DSCAML1: variants seen among roughly 807,000 people sequenced by gnomAD.
DSCAML1 encodes cell adhesion molecule DSCAML1.
In DSCAML1, 38 loss-of-function variants were observed where a neutral mutation model predicts 200.5. That is an observed-to-expected ratio of 0.19 (90% confidence interval 0.15 to 0.25). DSCAML1 has a LOEUF of 0.25. DSCAML1 is among the 10% of genes least tolerant of loss of function. DSCAML1 has a pLI of 1.00. For synonymous variants in DSCAML1, 1,215 were observed against 1,165.0 expected, an observed-to-expected ratio of 1.04 and a Z score of -0.87; for missense variants, 2,223 against 2,858.8, an observed-to-expected ratio of 0.78 and a Z score of 5.07.
intron 8 of DSCAML1, among the ~76,000 whole-genome samples, chr11:117,513,709 G>A (rs909472264): frequency 1.4e-5 from 2 of 140,348 alleles, no homozygotes; most frequent in African/African-American, 5.4e-5. Context: ...CCACTGCACT[G>A]CAACCTGGGT....
At chr11:117,681,202 C>T (rs1002314172) in intron 3 of DSCAML1, among the ~76,000 whole-genome samples, 3 of 152,182 alleles carry the variant, frequency 2.0e-5, no homozygotes, top group African/African-American at 4.8e-5. Flanking sequence ...AACACATGGA[C>T]CTGGTAGGGT....
chr11:117,428,904 T>C, intron 32 of DSCAML1, 101 bp from the exon 33 acceptor site: 2 of 1,223,578 alleles, frequency 1.6e-6, no homozygotes, highest in South Asian at 2.7e-5. Context: ...TTCTCTCTGA[T>C]TTGGCATAGG....
At chr11:117,570,562 C>T (rs1381619053) in intron 3 of DSCAML1, among the ~76,000 whole-genome samples, 1 of 152,206 alleles carries the variant, frequency 6.6e-6, no homozygotes, top group African/African-American at 2.4e-5. Flanking sequence ...GTACTTGGCA[C>T]CTAGTAGGTG....
intron 3 of DSCAML1, among the ~76,000 whole-genome samples, chr11:117,735,721 T>C (rs1448646495): frequency 3.3e-5 from 5 of 152,166 alleles, no homozygotes; most frequent in Admixed American, 2.6e-4. Context: ...TAATAAAGCA[T>C]AGACTATGCT....
intron 1 of DSCAML1, among the ~76,000 whole-genome samples, chr11:117,806,278 G>A (rs549088723): frequency 1.3e-5 from 2 of 152,188 alleles, no homozygotes; most frequent in African/African-American, 4.8e-5. Context: ...CTTGAGCAAT[G>A]GGAAGGATAT....
chr11:117,460,568 A>C (rs2048459691), intron 18 of DSCAML1, among the ~76,000 whole-genome samples: 1 of 152,040 alleles, frequency 6.6e-6, no homozygotes, highest in East Asian at 1.9e-4. Flanking sequence ...ACAGTATGGG[A>C]TGCCTGTCCT....
At chr11:117,687,364 A>G (rs189640033) in intron 3 of DSCAML1, among the ~76,000 whole-genome samples, 1 of 151,574 alleles carries the variant, frequency 6.6e-6, no homozygotes, top group East Asian at 1.9e-4. Flanking sequence ...GAGCTCAAGT[A>G]ATCCTCCTAC....
At chr11:117,809,964 CACAT>C (rs1363105117) in intron 1 of DSCAML1, among the ~76,000 whole-genome samples, 1 of 91,556 alleles carries the variant, frequency 1.1e-5, no homozygotes, top group African/African-American at 4.7e-5. Flanking sequence ...CACACACTCA[CACAT>C]TCACACACAC....
chr11:117,532,617 C>A, intron 3 of DSCAML1, 95 bp from the exon 4 acceptor site: 2 of 1,252,268 alleles, frequency 1.6e-6, no homozygotes, highest in Non-Finnish European at 1.1e-6. Flanking sequence ...TTTTCACACA[C>A]AAACAAAATG....
intron 8 of DSCAML1, among the ~76,000 whole-genome samples, chr11:117,509,094 G>A (rs566334717): frequency 4.9e-4 from 74 of 152,190 alleles, no homozygotes; most frequent in African/African-American, 1.6e-3. Flanking sequence ...GGAGCTTCTC[G>A]TTTACTAGGG....
chr11:117,456,930 A>T (rs1317746154), intron 19 of DSCAML1, among the ~76,000 whole-genome samples: 1 of 152,054 alleles, frequency 6.6e-6, no homozygotes, highest in Non-Finnish European at 1.5e-5. Context: ...CCACCTCGGC[A>T]TCCCAAAGTG....
intron 3 of DSCAML1, among the ~76,000 whole-genome samples, chr11:117,538,372 C>T (rs907068367): frequency 4.6e-5 from 7 of 152,214 alleles, no homozygotes; most frequent in African/African-American, 9.6e-5. Flanking sequence ...GTCCCCAGCA[C>T]GTGGGTGGCT....
At chr11:117,536,643 A>AGGCTGGAGGGTGCCATTCCTTTAGGCTGT in intron 3 of DSCAML1, among the ~76,000 whole-genome samples, 1 of 152,240 alleles carries the variant, frequency 6.6e-6, no homozygotes, top group Non-Finnish European at 1.5e-5. Flanking sequence ...CTGTGGGTTT[A>AGGCTGGAGGGTGCCATTCCTTTAGGCTGT]GGCTGGAGGG....
At chr11:117,678,710 G>C (rs1357475822) in intron 3 of DSCAML1, among the ~76,000 whole-genome samples, 1 of 151,660 alleles carries the variant, frequency 6.6e-6, no homozygotes, top group African/African-American at 2.4e-5. Flanking sequence ...AAGGCCAGGG[G>C]CCAGCACAGG....
At chr11:117,589,223 G>A (rs558381392) in intron 3 of DSCAML1, among the ~76,000 whole-genome samples, 12 of 152,318 alleles carry the variant, frequency 7.9e-5, no homozygotes, top group South Asian at 6.2e-4. Context: ...GCAAGCGACC[G>A]GAGCGGGCTC....
intron 3 of DSCAML1, among the ~76,000 whole-genome samples, chr11:117,552,494 CT>C (rs535016152): frequency 8.7e-4 from 133 of 152,034 alleles, no homozygotes; most frequent in African/African-American, 3.0e-3. Context: ...TTAGAGGGCC[CT>C]TTTTGGCACT....
At chr11:117,527,995 T>C (rs1398776065) in intron 4 of DSCAML1, among the ~76,000 whole-genome samples, 3 of 152,192 alleles carry the variant, frequency 2.0e-5, no homozygotes, top group African/African-American at 7.2e-5. Context: ...TTTCCCCACC[T>C]GCCCTGGTGG....
intron 18 of DSCAML1, 101 bp from the exon 19 acceptor site, chr11:117,459,010 T>C: frequency 6.9e-7 from 1 of 1,452,406 alleles, no homozygotes. Context: ...CTGCACAGGC[T>C]CAGCCCTCGA....
chr11:117,451,339 A>C (rs1285072363), intron 19 of DSCAML1, among the ~76,000 whole-genome samples: 1 of 152,196 alleles, frequency 6.6e-6, no homozygotes, highest in Non-Finnish European at 1.5e-5. Context: ...TCCTGCTCTC[A>C]GCTCACACTC....
Sources: allele counts gnomAD v4.1 joint callset (sites outside exome capture counted in the v4.1 genomes callset), GRCh38; gene constraint gnomAD v4.1.1; transcripts MANE v1.5; gene names NCBI Gene and HGNC (gene_info 2026-07-23, HGNC 2026-07-21).